Variants in PHLPP1 observed in about 807,000 individuals in gnomAD.
PHLPP1 encodes the protein PH domain and leucine rich repeat protein phosphatase 1, also known as PH domain leucine-rich repeat-containing protein phosphatase 1.
A neutral mutation model predicts 117.2 loss-of-function variants in PHLPP1; 42 were observed. The ratio of observed to expected loss-of-function variants is 0.36; its 90% CI spans 0.28 to 0.46. The LOEUF is 0.46. Ranked by LOEUF, PHLPP1 falls within the 20% of genes least tolerant of loss-of-function variation. The probability of loss-of-function intolerance (pLI) is 1.00; values close to 1 mark genes in which losing one functional copy is unlikely to be tolerated. For missense variants in PHLPP1, 2,084 were observed against 2,241.9 expected (o/e 0.93, Z 1.42); for synonymous variants, 1,042 against 970.7 (o/e 1.07, Z -1.37).
At chr18:62,832,027 C>G (rs1231951923) in intron 2 of PHLPP1, 3 of 152,126 alleles carry the variant, frequency 2.0e-5, no homozygotes, top group Non-Finnish European at 4.4e-5. Context: ...TCTGTATTAC[C>G]ACTATAGGTT....
chr18:62,716,928 G>A lies in PHLPP1; in HGVS notation c.1245G>A (p.Pro415=). 6.5e-7 allele frequency: 1 copy of A among 1,534,114 alleles called. No homozygotes were observed. Among genetic ancestry groups the A allele is most frequent in the Non-Finnish European group, 8.7e-7 (1 of 1,145,248 alleles). ...CCCAGACGGCTTCCTCGCCTCAGCCGCAGCAGAAAGCCCCGAGGGCCATTG... is the reference window on the plus strand; with the variant it reads ...CCCAGACGGCTTCCTCGCCTCAGCCACAGCAGAAAGCCCCGAGGGCCATTG... The part of the protein sequence containing the change: ...PLPQTASSPQ[P]QQKAPRAIDS... Residue 415 remains proline, a synonymous_variant, in exon 1 of 17, where the codon CCG becomes CCA. Coordinates refer to ENST00000262719, the MANE Select transcript of PHLPP1 (RefSeq NM_194449.4). The surrounding 1 kb of genome is among the most constrained non-coding windows in gnomAD (Gnocchi z 5.7).
chr18:62,812,476 T>C (rs1599060312), intron 1 of PHLPP1, among the ~76,000 whole-genome samples: 1 of 152,290 alleles, frequency 6.6e-6, no homozygotes, highest in Admixed American at 6.5e-5. Flanking sequence ...TTTGTTCCTT[T>C]AGAGGAGTTA....
chr18:62,756,160 T>A (rs571899887), intron 1 of PHLPP1, among the ~76,000 whole-genome samples: 2 of 152,324 alleles, frequency 1.3e-5, no homozygotes, highest in Admixed American at 6.5e-5. Flanking sequence ...CATGTTGTGT[T>A]AATCATCATG....
At position 62,798,900 on chromosome 18, in the gene PHLPP1, AAAAAC is replaced by A. The variant is rs201189089; in HGVS notation, c.1577-31110_1577-31106del. On this transcript the variant is annotated intron_variant, in intron 1 of 16. Transcript: ENST00000262719. ...ACCTGTGAAAAGAATGGGCATGTTT[AAAAAC>A]AAAACAAAACAAAACAAAACAAAAA... 5.4e-3 allele frequency among the ~76,000 whole-genome samples: 825 copies of A among 152,294 alleles called. 2 individuals are homozygous for A. The highest frequency in any genetic ancestry group is 0.01 in the Middle Eastern group (3 of 294).
At chr18:62,748,373 T>C (rs1911742228) in intron 1 of PHLPP1, among the ~76,000 whole-genome samples, 1 of 151,946 alleles carries the variant, frequency 6.6e-6, no homozygotes, top group African/African-American at 2.4e-5. Flanking sequence ...GCCTCCTGAG[T>C]AGCTGGGACT....
intron 1 of PHLPP1, among the ~76,000 whole-genome samples, chr18:62,804,176 G>C (rs1181111629): frequency 6.6e-6 from 1 of 152,128 alleles, no homozygotes; most frequent in Non-Finnish European, 1.5e-5. Context: ...AGTGAACAGG[G>C]AAGAGCCCCT....
chr18:62,817,343 A>G (rs1914311139), intron 1 of PHLPP1, among the ~76,000 whole-genome samples: 1 of 152,220 alleles, frequency 6.6e-6, no homozygotes, highest in African/African-American at 2.4e-5. Flanking sequence ...ATTCATGAAA[A>G]TAAAAGAAAG....
intron 3 of PHLPP1, among the ~76,000 whole-genome samples, chr18:62,848,377 A>C (rs1192523447): frequency 1.3e-5 from 2 of 151,992 alleles, no homozygotes; most frequent in African/African-American, 4.8e-5. Flanking sequence ...ACCATTTGGC[A>C]AGCACTGTTG....
chr18:62,788,299 T>TA (rs1913356753), intron 1 of PHLPP1, among the ~76,000 whole-genome samples: 1 of 152,146 alleles, frequency 6.6e-6, no homozygotes. Flanking sequence ...GCCAAGGTGG[T>TA]AAAGCAGGGA....
intron 12 of PHLPP1, among the ~76,000 whole-genome samples, chr18:62,952,649 G>C (rs147118208): frequency 9.2e-5 from 14 of 152,274 alleles, no homozygotes; most frequent in Non-Finnish European, 1.9e-4. Flanking sequence ...TTTTAAAAAA[G>C]AGGGTCTTGC....
At chr18:62,792,596 TGTG>T (rs1390084574) in intron 1 of PHLPP1, among the ~76,000 whole-genome samples, 1 of 152,192 alleles carries the variant, frequency 6.6e-6, no homozygotes, top group East Asian at 1.9e-4. Context: ...CTAAGCCAGA[TGTG>T]GTGGCTCACG....
rs1168861892 is a variant in PHLPP1, at chr18:62,766,060, C to CA, written c.1576+48818dup. Among the ~76,000 whole-genome samples, 91 of 15,218 alleles carry CA rather than the reference C, an allele frequency of 6.0e-3. 7 individuals carry two copies. Among genetic ancestry groups the CA allele is most frequent in the African/African-American group, 7.4e-3 (32 of 4,300 alleles). 10.0% of individuals were successfully genotyped at this position (15,218 alleles called of 152,430 possible). ...TGGGCGACAGAGCTAGACTCCATCT[C>CA]AAAAAAAAAAAAAAAAATATATATA... On this transcript the variant is annotated intron_variant, in intron 1 of 16. Coordinates refer to ENST00000262719, the MANE Select transcript of PHLPP1 (RefSeq NM_194449.4).
intron 1 of PHLPP1, among the ~76,000 whole-genome samples, chr18:62,766,947 C>T (rs1912560606): frequency 6.6e-6 from 1 of 151,902 alleles, no homozygotes; most frequent in Admixed American, 6.6e-5. Context: ...TATAAATGTT[C>T]TTGGGGGTGG....
At chr18:62,755,587 A>T (rs947683212) in intron 1 of PHLPP1, among the ~76,000 whole-genome samples, 3 of 152,156 alleles carry the variant, frequency 2.0e-5, no homozygotes, top group African/African-American at 7.2e-5. Context: ...CCCTGTGAGG[A>T]TGCAGTGAGA....
At chr18:62,796,289 A>G (rs567106976) in intron 1 of PHLPP1, among the ~76,000 whole-genome samples, 1 of 152,338 alleles carries the variant, frequency 6.6e-6, no homozygotes, top group East Asian at 1.9e-4. Context: ...TCACAACAGG[A>G]AGGTGTTATT....
intron 14 of PHLPP1, among the ~76,000 whole-genome samples, chr18:62,967,569 T>A (rs1249490956): frequency 6.6e-6 from 1 of 152,184 alleles, no homozygotes; most frequent in Non-Finnish European, 1.5e-5. Flanking sequence ...TAGCTCTCGG[T>A]ATTTTTGTAG....
intron 1 of PHLPP1, among the ~76,000 whole-genome samples, chr18:62,727,071 T>C (rs1408365062): frequency 6.7e-6 from 1 of 150,280 alleles, no homozygotes; most frequent in Admixed American, 6.6e-5. Flanking sequence ...CTACTAAAAA[T>C]ACAAAAATTA....
At chr18:62,788,969 A>T (rs573199925) in intron 1 of PHLPP1, among the ~76,000 whole-genome samples, 1 of 152,356 alleles carries the variant, frequency 6.6e-6, no homozygotes, top group South Asian at 2.1e-4. Context: ...CAGAAAACCC[A>T]GCTTAACGTG....
At position 62,767,634 on chromosome 18, in the gene PHLPP1, A is replaced by C. The variant is rs760613471; in HGVS notation, c.1576+50375A>C. ...GACTCATAAGAATTACTGTTGCCACAGAGTTTTAGAATGCAAGAATTGATC... is the reference window on the plus strand; with the variant it reads ...GACTCATAAGAATTACTGTTGCCACCGAGTTTTAGAATGCAAGAATTGATC... On this transcript the variant is annotated intron_variant, in intron 1 of 16. Transcript: ENST00000262719. Among the ~76,000 whole-genome samples the C allele has an allele frequency of 2.0e-5, 3 of 152,348 alleles. No homozygotes were observed. In the East Asian group the frequency reaches 5.8e-4, roughly 29 times the overall value.
Sources: allele counts gnomAD v4.1 joint callset (sites outside exome capture counted in the v4.1 genomes callset), GRCh38; gene constraint gnomAD v4.1.1; non-coding constraint Gnocchi (gnomAD v3.1); transcripts MANE v1.5; gene names NCBI Gene and HGNC (gene_info 2026-07-23, HGNC 2026-07-21).